PCDH9: variants seen among roughly 807,000 people sequenced by gnomAD.
PCDH9 encodes protocadherin-9.
A neutral mutation model predicts 70.6 loss-of-function variants in PCDH9; 24 were observed. The ratio of observed to expected loss-of-function variants is 0.34; its 90% confidence interval spans 0.25 to 0.48. The LOEUF is 0.48. PCDH9 is among the 20% of genes least tolerant of loss of function. The pLI is 0.99. For synonymous variants in PCDH9, 562 were observed against 558.5 expected, an observed-to-expected ratio of 1.01 and a Z score of -0.09; for missense variants, 1,281 against 1,503.6, an observed-to-expected ratio of 0.85 and a Z score of 2.45.
At chr13:66,494,913 T>A (rs1427569534) in intron 4 of PCDH9, among the ~76,000 whole-genome samples, 2 of 152,028 alleles carry the variant, frequency 1.3e-5, no homozygotes, top group African/African-American at 4.8e-5. Flanking sequence ...GAGAAATTTG[T>A]CACAATTTGA....
chr13:66,868,364 T>A (rs1198984057), intron 3 of PCDH9, among the ~76,000 whole-genome samples: 1 of 152,116 alleles, frequency 6.6e-6, no homozygotes, highest in African/African-American at 2.4e-5. Flanking sequence ...CATCAAATTT[T>A]TTATAGAAGA....
intron 2 of PCDH9, chr13:67,206,576 T>C (rs2089353478): frequency 6.6e-6 from 1 of 152,232 alleles, no homozygotes; most frequent in Non-Finnish European, 1.5e-5. Flanking sequence ...GTGGAAAACC[T>C]ACTCTAGGAA....
chr13:66,411,777 A>G (rs917933585), intron 4 of PCDH9, among the ~76,000 whole-genome samples: 1 of 152,188 alleles, frequency 6.6e-6, no homozygotes, highest in Non-Finnish European at 1.5e-5. Context: ...AATGTTTACA[A>G]CTTTTACTAT....
intron 2 of PCDH9, among the ~76,000 whole-genome samples, chr13:66,920,725 T>C (rs2082624642): frequency 6.6e-6 from 1 of 151,280 alleles, no homozygotes. Flanking sequence ...GAAAATTACA[T>C]AGCATTTCAT....
chr13:66,937,707 A>T (rs2082939570), intron 2 of PCDH9, among the ~76,000 whole-genome samples: 1 of 152,224 alleles, frequency 6.6e-6, no homozygotes, highest in Non-Finnish European at 1.5e-5. Context: ...ACCATACTTC[A>T]ACCACTCATA....
intron 3 of PCDH9, among the ~76,000 whole-genome samples, chr13:66,673,936 C>T (rs879552107): frequency 1.2e-4 from 18 of 152,120 alleles, no homozygotes; most frequent in Non-Finnish European, 1.8e-4. Context: ...CATTCAGTCT[C>T]TTGCTACAAA....
intron 4 of PCDH9, among the ~76,000 whole-genome samples, chr13:66,418,285 T>A (rs959674598): frequency 6.6e-6 from 1 of 152,186 alleles, no homozygotes; most frequent in Non-Finnish European, 1.5e-5. Context: ...ATTGCTTGTT[T>A]TGGTCAGGTT....
rs1317777710 is a variant in PCDH9, at chr13:66,725,010, C to A, written c.3139-93599G>T. ...AATATCATATCTCTAGCCCATAATT[C>A]TCTCCCAGATGGCTGACTTCCTCCA... is the stretch of plus-strand genomic sequence containing the variant. On this transcript the variant is annotated intron_variant, in intron 3 of 4. Coordinates refer to ENST00000377865, the MANE Select transcript of PCDH9 (RefSeq NM_203487.3). Among the ~76,000 whole-genome samples, 5 of 152,110 alleles carry A rather than the reference C, an allele frequency of 3.3e-5. No homozygotes were observed. The East Asian group carries it at 9.6e-4, about 29-fold the overall frequency.
At chr13:66,903,483 C>G (rs757977619) in intron 3 of PCDH9, 21 bp downstream of exon 3, 3 of 1,005,906 alleles carry the variant, frequency 3.0e-6, no homozygotes, top group Non-Finnish European at 4.7e-6. Flanking sequence ...CTAACATGTT[C>G]TCTATAGATA....
chr13:66,860,960 G>A (rs2081473012), intron 3 of PCDH9, among the ~76,000 whole-genome samples: 1 of 152,196 alleles, frequency 6.6e-6, no homozygotes, highest in African/African-American at 2.4e-5. Flanking sequence ...CTGTGAAGCT[G>A]GTACTATGAG....
At chr13:66,711,163 GATAC>G (rs1302649207) in intron 3 of PCDH9, among the ~76,000 whole-genome samples, 1 of 152,082 alleles carries the variant, frequency 6.6e-6, no homozygotes, top group Non-Finnish European at 1.5e-5. Context: ...AGAAAATTTT[GATAC>G]ATGCATGCAA....
intron 2 of PCDH9, among the ~76,000 whole-genome samples, chr13:66,969,234 C>T (rs1382369015): frequency 1.3e-5 from 2 of 151,930 alleles, no homozygotes; most frequent in African/African-American, 2.4e-5. Flanking sequence ...TCAACCCATA[C>T]TTTGTTATGA....
At chr13:66,967,944 A>G (rs1360935296) in intron 2 of PCDH9, among the ~76,000 whole-genome samples, 3 of 151,998 alleles carry the variant, frequency 2.0e-5, no homozygotes, top group African/African-American at 7.2e-5. Flanking sequence ...GGAGCCTCTC[A>G]TCCAGTTCTA....
At chr13:66,315,876 A>T (rs1277426957) in intron 4 of PCDH9, among the ~76,000 whole-genome samples, 2 of 152,182 alleles carry the variant, frequency 1.3e-5, no homozygotes, top group Admixed American at 6.6e-5. Context: ...TCCTGTTGCC[A>T]CGGAGACAAA....
intron 3 of PCDH9, among the ~76,000 whole-genome samples, chr13:66,729,310 C>G (rs1176941128): frequency 6.6e-6 from 1 of 152,074 alleles, no homozygotes; most frequent in Admixed American, 6.6e-5. Flanking sequence ...ATAAATTCCT[C>G]TTGGATCAGG....
chr13:66,617,462 G>A lies in PCDH9; in HGVS notation c.3340+13748C>T, dbSNP rs150839024. On this transcript the variant is annotated intron_variant, in intron 4 of 4. Coordinates refer to ENST00000377865, the MANE Select transcript of PCDH9 (RefSeq NM_203487.3). ...CTTCTCTTTAGTTCTCTCTTCACTA[G>A]TAAGTAATTGTGTCTCTGTACTACA... Among the ~76,000 whole-genome samples the A allele has an allele frequency of 4.2e-3, 639 of 152,146 alleles. 20 individuals carry two copies. In the East Asian group the frequency reaches 0.081, roughly 19 times the overall value.
chr13:66,913,457 A>G (rs2082504733), intron 2 of PCDH9, among the ~76,000 whole-genome samples: 1 of 151,986 alleles, frequency 6.6e-6, no homozygotes, highest in South Asian at 2.1e-4. Flanking sequence ...TTACCGATTT[A>G]GAGTAAAAAG....
chr13:66,905,627 T>A (rs1467372611), intron 2 of PCDH9, among the ~76,000 whole-genome samples: 2 of 152,150 alleles, frequency 1.3e-5, no homozygotes, highest in African/African-American at 2.4e-5. Context: ...TCCATAGAAT[T>A]TTTTCTTCCT....
intron 2 of PCDH9, among the ~76,000 whole-genome samples, chr13:67,044,429 G>A (rs545530513): frequency 2.6e-5 from 4 of 152,152 alleles, no homozygotes; most frequent in Admixed American, 6.5e-5. Context: ...CATCCTTAGC[G>A]CTTCTCAAAA....
Sources: gnomAD v4.1 joint callset for allele counts (sites outside exome capture counted in the v4.1 genomes callset) on GRCh38, gnomAD v4.1.1 for gene constraint, MANE v1.5 for transcripts, NCBI Gene and HGNC (gene_info 2026-07-23, HGNC 2026-07-21) for gene names.